Variants in SENP1 observed in about 807,000 individuals in gnomAD.
The protein encoded by SENP1 is sentrin-specific protease 1.
In SENP1, 21 loss-of-function variants were observed where a neutral mutation model predicts 93.0. The ratio of observed to expected loss-of-function variants is 0.23; its 90% CI spans 0.16 to 0.33. The LOEUF (loss-of-function observed/expected upper bound fraction) is 0.33, where lower values mean the gene tolerates loss of function less well. SENP1 is among the 10% of genes least tolerant of loss of function. The pLI, the probability that SENP1 is intolerant of heterozygous loss-of-function variation, is 1.00. For synonymous variants in SENP1, 256 were observed against 259.6 expected (o/e 0.99, Z 0.13); for missense variants, 591 against 758.7 (o/e 0.78, Z 2.60).
intron 10 of SENP1, among the ~76,000 whole-genome samples, chr12:48,066,673 A>T (rs1565762820): frequency 6.6e-6 from 1 of 152,098 alleles, no homozygotes; most frequent in Non-Finnish European, 1.5e-5. Context: ...CACCATGCCC[A>T]GCCAATTTTT....
Position 48,071,739 on chromosome 12 carries a change from CA to C in SENP1, c.941-19del, listed in dbSNP as rs1490869061. On this transcript the variant is annotated intron_variant, in intron 8 of 17. Coordinates refer to ENST00000549518, the MANE Select transcript of SENP1 (RefSeq NM_001267594.2). ...GTCTGATCCTAAAGAAACACAAGAG[CA>C]TTTCATTAGTAATAAAACTCCACAA... 6.4e-7 allele frequency: 1 copy of C among 1,560,238 alleles called. No individual in the cohort carries two copies.
At position 48,098,033 on chromosome 12, in the gene SENP1, T is replaced by C; in HGVS notation, c.96A>G (p.Thr32=). 1 of 1,613,824 alleles carries C rather than the reference T, an allele frequency of 6.2e-7. No individual in the cohort carries two copies. Among genetic ancestry groups the C allele is most frequent in the East Asian group, 2.2e-5 (1 of 44,878 alleles). The stretch of plus-strand genomic sequence containing the variant: ...GCGAAAGCTGGTCCTCTGGAAAACC[T>C]GTTTGTGGCAGGAGGTGGGTTTTGA... ...SVFKTHLLPQ[T]GFPEDQLSLS... is the part of the protein sequence containing the mutation. Residue 32 remains threonine, a synonymous_variant, in exon 3 of 18, where the codon ACA becomes ACG. Coordinates refer to ENST00000549518, the MANE Select transcript of SENP1 (RefSeq NM_001267594.2).
chr12:48,073,365 G>T (rs1484958581), intron 8 of SENP1, among the ~76,000 whole-genome samples: 2 of 149,388 alleles, frequency 1.3e-5, no homozygotes, highest in Non-Finnish European at 3.0e-5. Flanking sequence ...GCTATACAAT[G>T]ATGCTACCAA....
intron 10 of SENP1, 26 bp downstream of exon 10, chr12:48,066,901 G>T: frequency 6.6e-7 from 1 of 1,512,470 alleles, no homozygotes; most frequent in Non-Finnish European, 9.0e-7. Context: ...GATTGAGAAG[G>T]AAAAATGATA....
chr12:48,080,196 G>A (rs1321948681), intron 6 of SENP1: 1 of 152,118 alleles, frequency 6.6e-6, no homozygotes, highest in Admixed American at 6.5e-5. Context: ...TATTTGCCCT[G>A]TCCAATATGG....
chr12:48,100,504 G>A (rs1404589757), intron 2 of SENP1, among the ~76,000 whole-genome samples: 1 of 134,832 alleles, frequency 7.4e-6, no homozygotes, highest in Non-Finnish European at 1.8e-5. Flanking sequence ...GGCGGCGCAC[G>A]CATGTTTGTA....
At position 48,067,758 on chromosome 12, in the gene SENP1, G is replaced by C. The variant is rs939850613; in HGVS notation, c.996-793C>G. The stretch of plus-strand genomic sequence containing the variant: ...GGACGCTGAGGTGGGAGAATCGCTT[G>C]AGCCAAGAGTTCAAGACCAGCCTGG... On this transcript the variant is annotated intron_variant, in intron 9 of 17. Coordinates refer to ENST00000549518, the MANE Select transcript of SENP1 (RefSeq NM_001267594.2). Among the ~76,000 whole-genome samples, 3 of 151,966 alleles carry C rather than the reference G, an allele frequency of 2.0e-5. 1 individual carries two copies. Among genetic ancestry groups the C allele is most frequent in the Admixed American group, 2.0e-4 (3 of 15,252 alleles).
chr12:48,084,957 A>T (rs1944746863), intron 5 of SENP1: 1 of 559,534 alleles, frequency 1.8e-6, no homozygotes, highest in Admixed American at 3.4e-5. Context: ...AAAATCAAAC[A>T]GTGCATAATT....
chr12:48,078,317 T>TTACATATATATATATATATATATA (rs1944244692), intron 6 of SENP1, among the ~76,000 whole-genome samples: 1 of 70,742 alleles, frequency 1.4e-5, no homozygotes, highest in Non-Finnish European at 2.8e-5. Context: ...CTGTAGGATT[T>TTACATATATATATATATATATATA]TATATATATA....
intron 6 of SENP1, chr12:48,080,641 C>G (rs867166707): frequency 6.6e-6 from 1 of 152,096 alleles, no homozygotes; most frequent in African/African-American, 2.4e-5. Flanking sequence ...TAAATTTAGT[C>G]CCAGGGTTAA....
rs756512374 is a variant in SENP1, at chr12:48,088,947, T to C, written c.234A>G (p.Ser78=). The stretch of plus-strand genomic sequence containing the variant: ...AATCGCCTGAGCCAAGAAAACTGTC[T>C]GAGGAAGGATTATCTAAAAAAATAA... The part of the protein sequence containing the change: ...NPSYYSDNPS[S]DSFLGSGDLR... The change falls in exon 5 of 18, where the codon TCA becomes TCG. Residue 78 remains serine (S), a synonymous_variant. Transcript: ENST00000549518. The C allele has an allele frequency of 1.4e-5, 22 of 1,580,816 alleles. No individual in the cohort carries two copies. The highest frequency in any genetic ancestry group is 2.3e-5 in the East Asian group (1 of 43,846).
rs753147649 is a variant in SENP1, at chr12:48,096,438, CAGA to C, written c.136-14_136-12del. On this transcript the variant is annotated splice_polypyrimidine_tract_variant and intron_variant, in intron 3 of 17. Coordinates refer to ENST00000549518, the MANE Select transcript of SENP1 (RefSeq NM_001267594.2). ...CCTGGAAGATAAAATCTAAACAAAG[CAGA>C]AGATTTTTCTTAAGTCACATTTTTT... 1 of 1,566,626 alleles carries C rather than the reference CAGA, an allele frequency of 6.4e-7. No homozygotes were observed. Among genetic ancestry groups the C allele is most frequent in the Non-Finnish European group, 8.7e-7 (1 of 1,145,820 alleles).
intron 9 of SENP1, among the ~76,000 whole-genome samples, chr12:48,068,903 A>G (rs1313882536): frequency 6.6e-6 from 1 of 152,152 alleles, no homozygotes; most frequent in African/African-American, 2.4e-5. Context: ...CTGTAATCCC[A>G]GCACTTTGGG....
At chr12:48,095,827 T>C (rs557067711) in intron 4 of SENP1, among the ~76,000 whole-genome samples, 41 of 152,276 alleles carry the variant, frequency 2.7e-4, no homozygotes, top group African/African-American at 9.1e-4. Flanking sequence ...ACTTCTGTCA[T>C]GGATCACAAG....
intron 5 of SENP1, among the ~76,000 whole-genome samples, chr12:48,084,211 T>C (rs969085829): frequency 6.6e-6 from 1 of 152,196 alleles, no homozygotes; most frequent in African/African-American, 2.4e-5. Context: ...CTGAAGCCTC[T>C]CAACTAAGCT....
At chr12:48,094,317 T>C (rs1025343603) in intron 4 of SENP1, among the ~76,000 whole-genome samples, 3 of 151,442 alleles carry the variant, frequency 2.0e-5, no homozygotes, top group African/African-American at 4.9e-5. Context: ...GAGGTCAAGG[T>C]TGCAGTGAGC....
In SENP1 at chr12:48,046,757, T is replaced by G. The variant is rs137919214; in HGVS notation, c.1776+221A>C. On this transcript the variant is annotated intron_variant, in intron 16 of 17. Transcript: ENST00000549518. ...ACATTCCCCTTAGGAGTGAAAAGCT[T>G]AGTAAAATATCTGGGCATTTAGAAA... 1.6e-3 allele frequency among the ~76,000 whole-genome samples: 240 copies of G among 152,106 alleles called. 3 individuals are homozygous for G. The highest frequency in any genetic ancestry group is 5.5e-3 in the African/African-American group (227 of 41,490).
intron 10 of SENP1, among the ~76,000 whole-genome samples, chr12:48,066,435 A>G (rs2136972626): frequency 1.3e-5 from 2 of 152,350 alleles, no homozygotes; most frequent in East Asian, 3.9e-4. Flanking sequence ...TTATAGATTT[A>G]ATAAACATAA....
rs1259263022 is a variant in SENP1 at position 48,099,542 on chromosome 12, G to A, written c.5-1418C>T. Among the ~76,000 whole-genome samples, 5 of 152,032 alleles carry A rather than the reference G, an allele frequency of 3.3e-5. No homozygotes were observed. In the East Asian group the frequency reaches 9.7e-4, roughly 30 times the overall value. On this transcript the variant is annotated intron_variant, in intron 2 of 17. Transcript: ENST00000549518. ...TTAAGAAGTAATCCACCTGCCAGGT[G>A]TGGTGGCTCACACCTGTAATCCCAG...
Sources: allele counts gnomAD v4.1 joint callset (sites outside exome capture counted in the v4.1 genomes callset), GRCh38; gene constraint gnomAD v4.1.1; transcripts MANE v1.5; gene names NCBI Gene and HGNC (gene_info 2026-07-23, HGNC 2026-07-21).